The following ZMYND11 variants were observed in gnomAD, a reference collection of about 807,000 sequenced individuals.
ZMYND11 encodes the protein zinc finger MYND domain-containing protein 11.
Under a neutral mutation model 84.9 loss-of-function variants are expected in ZMYND11, and 9 were observed. That is an observed-to-expected ratio of 0.11 (90% CI 0.06 to 0.18). The LOEUF is 0.18. Ranked by LOEUF, ZMYND11 falls within the 10% of genes least tolerant of loss-of-function variation. The pLI, the probability that ZMYND11 is intolerant of heterozygous loss-of-function variation, is 1.00. For missense variants in ZMYND11, 409 were observed against 761.0 expected (o/e 0.54, Z 5.44); for synonymous variants, 250 against 244.1 (o/e 1.02, Z -0.23).
chr10:235,184 G>A (rs1354467145), intron 4 of ZMYND11, among the ~76,000 whole-genome samples: 1 of 151,976 alleles, frequency 6.6e-6, no homozygotes, highest in Non-Finnish European at 1.5e-5. Context: ...TTAAAGAGTG[G>A]CTAACCAATG....
intron 1 of ZMYND11, among the ~76,000 whole-genome samples, chr10:178,516 C>A (rs185624412): frequency 7.2e-5 from 11 of 152,184 alleles, no homozygotes; most frequent in African/African-American, 2.2e-4. Context: ...AACACAAGTG[C>A]ACTTAAACAG....
intron 1 of ZMYND11, among the ~76,000 whole-genome samples, chr10:139,544 T>C (rs567125985): frequency 1.3e-5 from 2 of 152,280 alleles, no homozygotes; most frequent in Non-Finnish European, 2.9e-5. Flanking sequence ...GTGTTTTGTC[T>C]TCTCTTAGTC....
intron 1 of ZMYND11, among the ~76,000 whole-genome samples, chr10:149,277 A>AGGT (rs1411424325): frequency 4.8e-4 from 63 of 130,942 alleles, no homozygotes; most frequent in South Asian, 2.2e-3. Context: ...CAGAACACTG[A>AGGT]GGTGGTTGTT....
chr10:201,585 TACACAC>T (rs56058145), intron 2 of ZMYND11, among the ~76,000 whole-genome samples: 3 of 146,064 alleles, frequency 2.1e-5, no homozygotes, highest in Non-Finnish European at 4.5e-5. Context: ...TACCATGAAA[TACACAC>T]ACACACACAC....
chr10:253,568 G>A lies in ZMYND11; in HGVS notation c.*1098G>A, dbSNP rs1361004452. The A allele has an allele frequency of 6.6e-6, 1 of 152,606 alleles. No homozygotes were observed. Among genetic ancestry groups the A allele is most frequent in the Non-Finnish European group, 1.5e-5 (1 of 68,008 alleles). The allele number at this position is 152,606 out of a possible 1,614,324, so 9.5% of individuals were successfully genotyped here. ...TTTTGCGGAATGTCTGGATTAAGAAGCATTACCAATAGGAATGGATCGATA... is the reference window on the plus strand; with the variant it reads ...TTTTGCGGAATGTCTGGATTAAGAAACATTACCAATAGGAATGGATCGATA... On this transcript the variant is annotated 3_prime_UTR_variant, in exon 15 of 15. Transcript: ENST00000381604.
At chr10:199,254 G>A (rs573259031) in intron 2 of ZMYND11, among the ~76,000 whole-genome samples, 74 of 136,342 alleles carry the variant, frequency 5.4e-4, no homozygotes, top group Middle Eastern at 3.7e-3. Flanking sequence ...CCCCTCGCTC[G>A]CTCTCTCTCC....
At position 252,331 on chromosome 10, in the gene ZMYND11, C is replaced by T. The variant is rs1322428918; in HGVS notation, c.1687-17C>T. ...CCACACCCAAGTCTAAAGACTGCCC[C>T]GATTTCTTACCTGCAGTGCTACAAC... On this transcript the variant is annotated splice_polypyrimidine_tract_variant and intron_variant, in intron 14 of 14. Transcript: ENST00000381604. This position sits in a 1 kb window ranked among gnomAD's most constrained non-coding sequence, Gnocchi z 4.6. The T allele has an allele frequency of 2.5e-5, 40 of 1,613,176 alleles. No homozygotes were observed. The East Asian group carries it at 3.8e-4, about 15-fold the overall frequency.
At chr10:218,406 A>G in intron 3 of ZMYND11, 1 of 249,826 alleles carries the variant, frequency 4.0e-6, no homozygotes. Context: ...CCTGACATTT[A>G]GCAAAGTTAA....
intron 1 of ZMYND11, among the ~76,000 whole-genome samples, chr10:171,886 C>G (rs571401482): frequency 2.0e-5 from 3 of 152,308 alleles, no homozygotes; most frequent in African/African-American, 7.2e-5. Context: ...CTGTCTTACT[C>G]TATTCCTGCT....
chr10:243,030 C>G (rs1407362193), intron 10 of ZMYND11, among the ~76,000 whole-genome samples: 1 of 152,026 alleles, frequency 6.6e-6, no homozygotes, highest in Non-Finnish European at 1.5e-5. Context: ...CTTAATACAT[C>G]ATACTCGGAT....
intron 1 of ZMYND11, among the ~76,000 whole-genome samples, chr10:159,573 A>AT (rs1282922082): frequency 6.6e-6 from 1 of 151,964 alleles, no homozygotes; most frequent in Non-Finnish European, 1.5e-5. Flanking sequence ...TCGTTTGCTC[A>AT]TTTTTTTAAA....
Position 241,023 on chromosome 10 carries a change from T to C in ZMYND11, c.831+53T>C. 4 of 1,407,944 alleles carry C rather than the reference T, an allele frequency of 2.8e-6. No individual in the cohort carries two copies. In the South Asian group the frequency reaches 5.0e-5, roughly 18 times the overall value. The allele number at this position is 1,407,944 out of a possible 1,614,324, so 87.2% of individuals were successfully genotyped here. On this transcript the variant is annotated intron_variant, in intron 9 of 14. Transcript: ENST00000381604. ...TAACATACAGCTCTAAGGAAGTTTA[T>C]TTCCAGTTTGGTTAAAGATTATAAT...
chr10:210,525 T>A (rs1481159178), intron 3 of ZMYND11, among the ~76,000 whole-genome samples: 1 of 152,220 alleles, frequency 6.6e-6, no homozygotes, highest in African/African-American at 2.4e-5. Flanking sequence ...CGTTAAGTTC[T>A]CCTGGCCAGT....
intron 1 of ZMYND11, among the ~76,000 whole-genome samples, chr10:144,165 A>T (rs1161319013): frequency 2.6e-5 from 4 of 152,206 alleles, no homozygotes; most frequent in African/African-American, 9.6e-5. Flanking sequence ...CTCTCTGCTC[A>T]TGCTGAGGAA....
At position 246,924 on chromosome 10, in the gene ZMYND11, G is replaced by T. The variant is rs767869912; in HGVS notation, c.1109G>T (p.Arg370Leu). The T allele has an allele frequency of 1.2e-6, 2 of 1,612,624 alleles. No individual in the cohort carries two copies. Among genetic ancestry groups the T allele is most frequent in the South Asian group, 2.2e-5 (2 of 90,560 alleles). ...GRFWKSKNEDRGEEEAESSIS... is the reference protein window; with the variant it reads ...GRFWKSKNEDLGEEEAESSIS... ...TTTTGGAAATCTAAGAATGAGGACC[G>T]AGGTGAGGAAGAGGCAGAATCCAGT... Residue 370 changes from arginine to leucine, a missense_variant, in exon 11 of 15, where the codon CGA (arginine) becomes CTA (leucine). Physicochemically the swap from Arg to Leu is moderately radical, Grantham distance 102. Coordinates refer to ENST00000381604, the MANE Select transcript of ZMYND11 (RefSeq NM_001370100.5).
At chr10:239,076 G>C (rs951951258) in intron 6 of ZMYND11, among the ~76,000 whole-genome samples, 6 of 152,176 alleles carry the variant, frequency 3.9e-5, no homozygotes, top group Non-Finnish European at 5.9e-5. Flanking sequence ...AAGAATGACA[G>C]GTGTGTGCTT....
intron 1 of ZMYND11, among the ~76,000 whole-genome samples, chr10:136,185 C>T (rs1026600394): frequency 2.0e-5 from 3 of 152,128 alleles, no homozygotes; most frequent in Admixed American, 6.5e-5. Context: ...GGGTCCGCCG[C>T]CCTCCTCCCA....
At chr10:143,175 A>G (rs985124381) in intron 1 of ZMYND11, among the ~76,000 whole-genome samples, 71 of 152,212 alleles carry the variant, frequency 4.7e-4, no homozygotes, top group African/African-American at 1.7e-3. Context: ...GCCGTCATCT[A>G]ACATAAAATA....
chr10:227,287 C>A (rs1173542096), intron 4 of ZMYND11, among the ~76,000 whole-genome samples: 1 of 152,140 alleles, frequency 6.6e-6, no homozygotes, highest in African/African-American at 2.4e-5. Context: ...TGCTCCTGCC[C>A]TTCTTAAAAT....
Sources: gnomAD v4.1 joint callset for allele counts (sites outside exome capture counted in the v4.1 genomes callset) on GRCh38, gnomAD v4.1.1 for gene constraint, Gnocchi (gnomAD v3.1) non-coding constraint, MANE v1.5 for transcripts, NCBI Gene and HGNC (gene_info 2026-07-23, HGNC 2026-07-21) for gene names.